RHOBTB2: variants seen among roughly 807,000 people sequenced by gnomAD.
RHOBTB2 encodes the protein Rho related BTB domain containing 2, also known as rho-related BTB domain-containing protein 2.
A neutral mutation model predicts 66.5 loss-of-function variants in RHOBTB2; 39 were observed. That is an observed-to-expected ratio of 0.59 (90% confidence interval 0.45 to 0.77). The LOEUF (loss-of-function observed/expected upper bound fraction) is 0.77, where lower values mean the gene tolerates loss of function less well. Among genes scored for constraint, RHOBTB2 ranks in the 30% least tolerant of loss-of-function variants. RHOBTB2 has a pLI of 0.00. For missense variants in RHOBTB2, 755 were observed against 999.1 expected (o/e 0.76, Z 3.29); for synonymous variants, 390 against 395.0 (o/e 0.99, Z 0.15).
chr8:22,986,696 C>T (rs1007549027), upstream of RHOBTB2, among the ~76,000 whole-genome samples: 2 of 152,132 alleles, frequency 1.3e-5, no homozygotes, highest in African/African-American at 2.4e-5. Flanking sequence ...GGCATGATCA[C>T]CTCAGTATAA....
intron 7 of RHOBTB2, among the ~76,000 whole-genome samples, chr8:23,012,913 C>A (rs1811187442): frequency 6.6e-6 from 1 of 152,200 alleles, no homozygotes; most frequent in African/African-American, 2.4e-5. Context: ...AAGCGATTCT[C>A]CTGCCTGAGC....
chr8:23,003,452 A>G (rs1207823388), intron 1 of RHOBTB2, among the ~76,000 whole-genome samples: 1 of 152,228 alleles, frequency 6.6e-6, no homozygotes, highest in African/African-American at 2.4e-5. Flanking sequence ...CCCATCGCCC[A>G]TGTAGCCAGT....
intron 1 of RHOBTB2, among the ~76,000 whole-genome samples, chr8:22,989,001 G>T (rs1286853799): frequency 6.6e-6 from 1 of 152,132 alleles, no homozygotes; most frequent in Non-Finnish European, 1.5e-5. Context: ...AAAGAACTTT[G>T]TATCTTCTCC....
chr8:22,984,345 C>A (rs1182814434), upstream of RHOBTB2, among the ~76,000 whole-genome samples: 1 of 152,162 alleles, frequency 6.6e-6, no homozygotes, highest in African/African-American at 2.4e-5. Flanking sequence ...TTGGAAGTCA[C>A]CACACAGGTG....
Position 23,017,208 on chromosome 8 carries a change from C to T in RHOBTB2, c.1967-44C>T. On this transcript the variant is annotated intron_variant, in intron 9 of 9. Transcript: ENST00000251822. The surrounding 1 kb of genome is among the most constrained non-coding windows in gnomAD (Gnocchi z 5.3). ...GGCTGGTGTCCCACGTTCCTCTTGT[C>T]CCTCTGCCTCCTTTCTAACCAAGCT... The T allele has an allele frequency of 6.2e-7, 1 of 1,608,704 alleles. No homozygotes were observed.
chr8:22,968,029 G>A, the RHOBTB2 span, among the ~76,000 whole-genome samples: 13 of 151,980 alleles, frequency 8.6e-5, no homozygotes, highest in East Asian at 3.9e-4. Flanking sequence ...GGTGGTGCGC[G>A]CCTGTAGTCT....
intron 2 of RHOBTB2, among the ~76,000 whole-genome samples, chr8:22,992,420 C>T (rs978971247): frequency 4.6e-5 from 7 of 152,170 alleles, no homozygotes; most frequent in Non-Finnish European, 1.0e-4. Flanking sequence ...CTTCTCACTC[C>T]CAGCTCTGCA....
intron 7 of RHOBTB2, among the ~76,000 whole-genome samples, chr8:23,012,233 A>T (rs1811169359): frequency 6.6e-6 from 1 of 152,252 alleles, no homozygotes; most frequent in Non-Finnish European, 1.5e-5. Flanking sequence ...GCATAAAGGT[A>T]TTTCTAGAAG....
At chr8:22,956,911 C>T in the RHOBTB2 span, among the ~76,000 whole-genome samples, 5 of 152,144 alleles carry the variant, frequency 3.3e-5, no homozygotes, top group Non-Finnish European at 7.3e-5. Context: ...CCACCCGCCT[C>T]GGCCTCCCAA....
intron 7 of RHOBTB2, among the ~76,000 whole-genome samples, chr8:23,013,526 C>CT (rs1811206117): frequency 6.6e-6 from 1 of 151,910 alleles, no homozygotes. Context: ...GAGATGGAGT[C>CT]TTACTGTCAC....
chr8:22,960,241 T>C, the RHOBTB2 span, among the ~76,000 whole-genome samples: 1 of 151,946 alleles, frequency 6.6e-6, no homozygotes, highest in Admixed American at 6.6e-5. Context: ...TGAAATGCTT[T>C]TATAAAATGC....
the RHOBTB2 span, among the ~76,000 whole-genome samples, chr8:22,975,876 G>A: frequency 5.3e-5 from 8 of 152,078 alleles, no homozygotes; most frequent in African/African-American, 1.9e-4. Flanking sequence ...GGCCAGGTGC[G>A]GTGGCTCACA....
At chr8:22,983,565 A>T (rs1810246252), upstream of RHOBTB2, among the ~76,000 whole-genome samples, 1 of 152,064 alleles carries the variant, frequency 6.6e-6, no homozygotes, top group Admixed American at 6.5e-5. Flanking sequence ...GAGTAAAAAA[A>T]TATAGAGAGT....
upstream of RHOBTB2, among the ~76,000 whole-genome samples, chr8:22,983,345 A>C (rs1026170583): frequency 2.0e-5 from 3 of 151,864 alleles, no homozygotes; most frequent in Non-Finnish European, 4.4e-5. Flanking sequence ...TTAAAAAAAA[A>C]AAAAACAAAA....
At chr8:22,954,907 A>C in the RHOBTB2 span, among the ~76,000 whole-genome samples, 9 of 152,188 alleles carry the variant, frequency 5.9e-5, no homozygotes, top group African/African-American at 2.2e-4. Context: ...CGAGGTGGGC[A>C]GATCACTTGA....
upstream of RHOBTB2, chr8:22,995,768 C>G: frequency 7.4e-7 from 1 of 1,357,902 alleles, no homozygotes; most frequent in South Asian, 1.2e-5. Flanking sequence ...AGGAACACCA[C>G]GTGCCCCAGC....
At chr8:22,954,134 T>G in the RHOBTB2 span, among the ~76,000 whole-genome samples, 1 of 152,178 alleles carries the variant, frequency 6.6e-6, no homozygotes, top group South Asian at 2.1e-4. Context: ...CATGGTAGAT[T>G]TTTTATTTAA....
rs1441812153 is a variant in RHOBTB2, at chr8:23,000,087, C to T, written c.-29C>T. On this transcript the variant is annotated 5_prime_UTR_variant, in exon 1 of 10. Transcript: ENST00000251822. The stretch of plus-strand genomic sequence containing the variant: ...GATGTGTTCCTCACGCTAGAAGCCA[C>T]CCCGTCACATGTAGTGGTGTAAGTA... The T allele has an allele frequency of 5.1e-6, 5 of 985,516 alleles. No homozygotes were observed. Among genetic ancestry groups the T allele is most frequent in the Middle Eastern group, 5.2e-4 (1 of 1,914 alleles). The allele number at this position is 985,516 out of a possible 1,614,324, so 61.0% of individuals were successfully genotyped here. A position where few individuals can be genotyped will look rare whatever the true frequency, so the allele number is the denominator to read the frequency against.
chr8:23,006,015 G>A lies in RHOBTB2; in HGVS notation c.352G>A (p.Val118Ile). The A allele has an allele frequency of 6.2e-7, 1 of 1,613,992 alleles. No homozygotes were observed. The highest frequency in any genetic ancestry group is 8.5e-7 in the Non-Finnish European group (1 of 1,180,004). ...SIANPNSLHH[V>I]KTMWYPEIKH... ...TGCCAACCCCAATTCCCTCCACCAT[G>A]TCAAGACCATGTGGTACCCAGAAAT... Residue 118 changes from valine to isoleucine, a missense_variant, in exon 4 of 10, where the codon GTC (valine) becomes ATC (isoleucine). By Grantham distance (29) the Val-to-Ile change is conservative. Coordinates refer to ENST00000251822, the MANE Select transcript of RHOBTB2 (RefSeq NM_015178.3). This position sits in a 1 kb window ranked among gnomAD's most constrained non-coding sequence, Gnocchi z 6.1.
Sources: allele counts gnomAD v4.1 joint callset (sites outside exome capture counted in the v4.1 genomes callset), GRCh38; gene constraint gnomAD v4.1.1; non-coding constraint Gnocchi (gnomAD v3.1); transcripts MANE v1.5; gene names NCBI Gene and HGNC (gene_info 2026-07-23, HGNC 2026-07-21).